ATRNL1: variants seen among roughly 807,000 people sequenced by gnomAD.
ATRNL1 encodes attractin like 1.
ATRNL1 carries 95 observed loss-of-function variants against 182.7 expected under a neutral mutation model. The observed-to-expected ratio is 0.52, with a 90% confidence interval of 0.44 to 0.62. ATRNL1 has a LOEUF of 0.62. Ranked by LOEUF, ATRNL1 falls within the 20% of genes least tolerant of loss-of-function variation. The pLI is 0.00. For synonymous variants in ATRNL1, 576 were observed against 568.3 expected, an observed-to-expected ratio of 1.01 and a Z score of -0.19; for missense variants, 1,471 against 1,679.5, an observed-to-expected ratio of 0.88 and a Z score of 2.17.
chr10:115,774,233 G>A (rs1337431573), intron 27 of ATRNL1, among the ~76,000 whole-genome samples: 2 of 151,872 alleles, frequency 1.3e-5, no homozygotes, highest in Admixed American at 6.6e-5. Context: ...TTTGAGACCA[G>A]CCTGGCCAAT....
chr10:115,672,028 A>T (rs1337634785), intron 26 of ATRNL1, among the ~76,000 whole-genome samples: 1 of 152,126 alleles, frequency 6.6e-6, no homozygotes, highest in Non-Finnish European at 1.5e-5. Flanking sequence ...TAACATTTTA[A>T]TTGTAAATAT....
intron 13 of ATRNL1, among the ~76,000 whole-genome samples, chr10:115,271,165 TACACACACACACAC>T (rs59638255): frequency 2.1e-5 from 3 of 146,024 alleles, no homozygotes; most frequent in Non-Finnish European, 3.0e-5. Flanking sequence ...ACAAAGATAT[TACACACACACACAC>T]ACACACACAC....
At chr10:115,352,769 A>G (rs1856319307) in intron 19 of ATRNL1, among the ~76,000 whole-genome samples, 1 of 152,136 alleles carries the variant, frequency 6.6e-6, no homozygotes, top group Non-Finnish European at 1.5e-5. Context: ...GGGTGGTGGC[A>G]CATGCCTGTA....
At chr10:115,758,072 C>A (rs113224402) in intron 27 of ATRNL1, among the ~76,000 whole-genome samples, 4 of 151,516 alleles carry the variant, frequency 2.6e-5, no homozygotes, top group Non-Finnish European at 4.4e-5. Flanking sequence ...ACCTTTTTTT[C>A]CAGGTTCTTA....
At chr10:115,416,676 T>A (rs1428158807) in intron 20 of ATRNL1, among the ~76,000 whole-genome samples, 1 of 152,176 alleles carries the variant, frequency 6.6e-6, no homozygotes, top group African/African-American at 2.4e-5. Flanking sequence ...AATTTGTAGT[T>A]TAGAGAAAAT....
At chr10:115,454,806 T>A (rs1847445252) in intron 21 of ATRNL1, among the ~76,000 whole-genome samples, 1 of 152,140 alleles carries the variant, frequency 6.6e-6, no homozygotes, top group Non-Finnish European at 1.5e-5. Flanking sequence ...TGTGTGTGTA[T>A]GTGTGGAGCC....
At position 115,188,503 on chromosome 10, in the gene ATRNL1, T is replaced by C. The variant is rs1036683515; in HGVS notation, c.1348+17211T>C. Among the ~76,000 whole-genome samples the C allele has an allele frequency of 2.0e-5, 3 of 152,272 alleles. No individual in the cohort carries two copies. In the East Asian group the frequency reaches 5.8e-4, roughly 29 times the overall value. ...TTCACTTTAGTTTAGCAATACCTCA[T>C]AAACTTTCTAAGAATCTCAATGTGA... On this transcript the variant is annotated intron_variant, in intron 8 of 28. Coordinates refer to ENST00000355044, the MANE Select transcript of ATRNL1 (RefSeq NM_207303.4).
chr10:115,914,141 A>G (rs1201438082), intron 28 of ATRNL1, among the ~76,000 whole-genome samples: 1 of 152,134 alleles, frequency 6.6e-6, no homozygotes, highest in African/African-American at 2.4e-5. Flanking sequence ...CTCTCCTGCC[A>G]CCATGTGAAG....
chr10:115,588,747 C>T (rs1555011173), intron 26 of ATRNL1, among the ~76,000 whole-genome samples: 2 of 152,160 alleles, frequency 1.3e-5, no homozygotes, highest in African/African-American at 2.4e-5. Context: ...GTACAAGTCT[C>T]TCAACTAGTT....
intron 27 of ATRNL1, among the ~76,000 whole-genome samples, chr10:115,760,885 C>G (rs1163771467): frequency 6.6e-6 from 1 of 152,174 alleles, no homozygotes; most frequent in African/African-American, 2.4e-5. Context: ...AATAGCTGCA[C>G]TCAATTTGCT....
intron 26 of ATRNL1, among the ~76,000 whole-genome samples, chr10:115,564,737 C>A (rs1853969868): frequency 6.6e-6 from 1 of 151,846 alleles, no homozygotes; most frequent in African/African-American, 2.4e-5. Context: ...TCAGTGTTAT[C>A]AGGGCTTTTT....
chr10:115,558,535 C>T (rs1554998003), intron 26 of ATRNL1, among the ~76,000 whole-genome samples: 2 of 152,148 alleles, frequency 1.3e-5, no homozygotes, highest in African/African-American at 4.8e-5. Flanking sequence ...GGGAGAGTAG[C>T]TTTTGATCCT....
chr10:115,493,578 A>G (rs572704918), intron 24 of ATRNL1, among the ~76,000 whole-genome samples: 1 of 152,172 alleles, frequency 6.6e-6, no homozygotes, highest in Admixed American at 6.6e-5. Flanking sequence ...ATAAACATAC[A>G]CATGCATGTT....
intron 27 of ATRNL1, among the ~76,000 whole-genome samples, chr10:115,777,433 T>C (rs1430276076): frequency 6.6e-6 from 1 of 152,168 alleles, no homozygotes; most frequent in Admixed American, 6.5e-5. Context: ...ATTTTGACTT[T>C]GTTATATCAA....
intron 21 of ATRNL1, among the ~76,000 whole-genome samples, chr10:115,449,516 G>T (rs60292587): frequency 0.029 from 4,453 of 152,250 alleles, 214 homozygotes; most frequent in African/African-American, 0.099. Context: ...ATGGACACTT[G>T]AGCTATTTAA....
chr10:115,710,475 G>A (rs782789930), intron 26 of ATRNL1, among the ~76,000 whole-genome samples: 1 of 152,126 alleles, frequency 6.6e-6, no homozygotes, highest in Non-Finnish European at 1.5e-5. Flanking sequence ...AATTGGCACT[G>A]AATCAAGATA....
At chr10:115,808,882 C>T (rs1322838377) in intron 27 of ATRNL1, among the ~76,000 whole-genome samples, 1 of 152,004 alleles carries the variant, frequency 6.6e-6, no homozygotes, top group Admixed American at 6.6e-5. Context: ...ATGAATCATG[C>T]TTTGATGTCA....
intron 8 of ATRNL1, among the ~76,000 whole-genome samples, chr10:115,206,371 G>A (rs2144346174): frequency 6.6e-6 from 1 of 151,766 alleles, no homozygotes; most frequent in Middle Eastern, 3.4e-3. Context: ...TTTTTGTTTT[G>A]TTTTTTCAAA....
At chr10:115,281,233 GA>G in intron 13 of ATRNL1, 121 bp from the exon 14 acceptor site, 1 of 760,292 alleles carries the variant, frequency 1.3e-6, no homozygotes. Flanking sequence ...TGATTCAGTT[GA>G]ATTGTATTTG....
Sources: gnomAD v4.1 joint callset for allele counts (sites outside exome capture counted in the v4.1 genomes callset) on GRCh38, gnomAD v4.1.1 for gene constraint, MANE v1.5 for transcripts, NCBI Gene and HGNC (gene_info 2026-07-23, HGNC 2026-07-21) for gene names.